The following ANKRD18A variants were observed in gnomAD, a reference collection of about 807,000 sequenced individuals.
The protein encoded by ANKRD18A is ankyrin repeat domain-containing protein 18A.
Under a neutral mutation model 110.6 loss-of-function variants are expected in ANKRD18A, and 72 were observed. That is an observed-to-expected ratio of 0.65 (90% confidence interval 0.54 to 0.79). The LOEUF is 0.79. ANKRD18A is among the 30% of genes least tolerant of loss of function. The pLI is 0.00. For missense variants in ANKRD18A, 934 were observed against 1,163.3 expected (o/e 0.80, Z 2.87); for synonymous variants, 305 against 410.3 (o/e 0.74, Z 3.10).
At chr9:38,603,088 A>T in intron 7 of ANKRD18A, 71 bp downstream of exon 7, 3 of 1,527,176 alleles carry the variant, frequency 2.0e-6, no homozygotes, top group Non-Finnish European at 2.6e-6. Flanking sequence ...TATACCATTA[A>T]CTACGGCTGA....
At chr9:38,600,347 T>C (rs900173759) in intron 8 of ANKRD18A, among the ~76,000 whole-genome samples, 11 of 152,044 alleles carry the variant, frequency 7.2e-5, no homozygotes, top group South Asian at 2.1e-4. Context: ...AGTAGGCAAA[T>C]GCTAAATTAT....
intron 8 of ANKRD18A, among the ~76,000 whole-genome samples, chr9:38,599,824 T>A (rs1184319177): frequency 6.6e-6 from 1 of 152,186 alleles, no homozygotes; most frequent in African/African-American, 2.4e-5. Flanking sequence ...TTACAATTCT[T>A]ACTCAGTTCT....
intron 1 of ANKRD18A, among the ~76,000 whole-genome samples, chr9:38,617,452 C>G (rs975246716): frequency 6.8e-6 from 1 of 147,508 alleles, no homozygotes; most frequent in Non-Finnish European, 1.5e-5. Flanking sequence ...AACGAAAAAA[C>G]AAACAAACAA....
chr9:38,573,961 T>C lies in ANKRD18A; in HGVS notation c.2964+1515A>G, dbSNP rs572012662. ...TACCTGTGTAAGTTTCTTCCAAAAGTATATTGAGGAATGCTAAGGTTTGGA... is the reference window on the plus strand; with the variant it reads ...TACCTGTGTAAGTTTCTTCCAAAAGCATATTGAGGAATGCTAAGGTTTGGA... On this transcript the variant is annotated intron_variant, in intron 15 of 15. Transcript: ENST00000399703. Among the ~76,000 whole-genome samples, 5 of 152,220 alleles carry C rather than the reference T, an allele frequency of 3.3e-5. No individual in the cohort carries two copies. In the South Asian group the frequency reaches 1.0e-3, roughly 32 times the overall value.
At chr9:38,594,311 G>T (rs531060886) in intron 9 of ANKRD18A, among the ~76,000 whole-genome samples, 1 of 151,934 alleles carries the variant, frequency 6.6e-6, no homozygotes, top group Non-Finnish European at 1.5e-5. Flanking sequence ...ACTCTGTCCC[G>T]TACAAACTTC....
intron 7 of ANKRD18A, among the ~76,000 whole-genome samples, 174 bp downstream of exon 7, chr9:38,602,985 G>A (rs957626930): frequency 5.3e-5 from 8 of 152,182 alleles, no homozygotes; most frequent in Non-Finnish European, 1.0e-4. Context: ...ATTTTCAAAT[G>A]AATAAACTGG....
intron 12 of ANKRD18A, among the ~76,000 whole-genome samples, chr9:38,585,813 G>C (rs1008826423): frequency 2.6e-5 from 4 of 152,144 alleles, no homozygotes; most frequent in African/African-American, 9.7e-5. Flanking sequence ...ATACATCATG[G>C]AATACTATGG....
chr9:38,590,799 C>G (rs1824611881), intron 10 of ANKRD18A, among the ~76,000 whole-genome samples: 1 of 152,012 alleles, frequency 6.6e-6, no homozygotes, highest in Non-Finnish European at 1.5e-5. Context: ...CAGGTAGTCT[C>G]CTGCTTAGGA....
intron 15 of ANKRD18A, among the ~76,000 whole-genome samples, chr9:38,574,081 C>T (rs1027854540): frequency 6.6e-5 from 10 of 152,126 alleles, no homozygotes; most frequent in African/African-American, 2.2e-4. Context: ...TCTTATTTCC[C>T]AGTGTCTATT....
intron 3 of ANKRD18A, among the ~76,000 whole-genome samples, chr9:38,613,112 G>T (rs370081506): frequency 1.3e-5 from 2 of 151,358 alleles, no homozygotes; most frequent in Admixed American, 1.3e-4. Flanking sequence ...AGGAGTTAAA[G>T]CTCAAATACT....
intron 5 of ANKRD18A, among the ~76,000 whole-genome samples, chr9:38,609,592 A>G (rs889915334): frequency 8.5e-5 from 13 of 152,050 alleles, no homozygotes; most frequent in Admixed American, 6.6e-4. Context: ...GGCAAAAGTC[A>G]ATCATTACCA....
At chr9:38,576,443 AG>A (rs1397260264) in intron 14 of ANKRD18A, among the ~76,000 whole-genome samples, 1 of 152,182 alleles carries the variant, frequency 6.6e-6, no homozygotes, top group Non-Finnish European at 1.5e-5. Context: ...AGGCTGAAAA[AG>A]GTGTTATTTT....
downstream of ANKRD18A, chr9:38,571,081 T>C: frequency 6.7e-7 from 1 of 1,501,410 alleles, no homozygotes; most frequent in Non-Finnish European, 8.8e-7. Context: ...ATGAGGACTG[T>C]CCCCAGACAG....
intron 10 of ANKRD18A, among the ~76,000 whole-genome samples, chr9:38,589,842 T>C (rs1824561067): frequency 6.6e-6 from 1 of 152,228 alleles, no homozygotes; most frequent in Admixed American, 6.5e-5. Context: ...GCTACTCCTC[T>C]TTTTAAATTC....
chr9:38,579,592 A>C (rs1226708548), intron 12 of ANKRD18A, among the ~76,000 whole-genome samples: 1 of 152,214 alleles, frequency 6.6e-6, no homozygotes, highest in Non-Finnish European at 1.5e-5. Context: ...AGTATCACTA[A>C]TCATCAGGGA....
chr9:38,585,493 G>A (rs931096089), intron 12 of ANKRD18A, among the ~76,000 whole-genome samples: 7 of 152,040 alleles, frequency 4.6e-5, no homozygotes, highest in African/African-American at 1.2e-4. Flanking sequence ...TAATGTGACT[G>A]TCTCATGAAG....
At chr9:38,582,151 C>T (rs1211845963) in intron 12 of ANKRD18A, among the ~76,000 whole-genome samples, 1 of 151,892 alleles carries the variant, frequency 6.6e-6, no homozygotes, top group Non-Finnish European at 1.5e-5. Context: ...ATGGATGATT[C>T]TATGAATTAT....
At position 38,571,694 on chromosome 9, in the gene ANKRD18A, G is replaced by A; in HGVS notation, c.*351C>T. On this transcript the variant is annotated 3_prime_UTR_variant, in exon 16 of 16. Coordinates refer to ENST00000399703, the MANE Select transcript of ANKRD18A (RefSeq NM_147195.4). ...TTTACTAAAGTATCAATGATGACTT[G>A]GTTGTTTGGCTGTTTAAACAGCTGA... The A allele has an allele frequency of 6.8e-6, 7 of 1,035,462 alleles. No individual in the cohort carries two copies. Among genetic ancestry groups the A allele is most frequent in the Non-Finnish European group, 8.1e-6 (7 of 863,518 alleles). 64.1% of individuals were successfully genotyped at this position (1,035,462 alleles called of 1,614,324 possible). A position where few individuals can be genotyped will look rare whatever the true frequency, so the allele number is the denominator to read the frequency against.
Position 38,620,155 on chromosome 9 carries a change from T to G in ANKRD18A, c.131A>C (p.Lys44Thr). The change falls in exon 1 of 16, where the codon AAG (lysine) becomes ACG (threonine). Residue 44 changes from lysine to threonine, a missense_variant. By Grantham distance (78) the Lys-to-Thr change is moderately conservative (BLOSUM62 -1). Around this residue, in one of 4 missense-constraint regions of ANKRD18A, gnomAD observed 630 missense variants for 797.5 expected, o/e 0.79. Transcript: ENST00000399703. The stretch of plus-strand genomic sequence containing the variant: ...GCGCTCCACCTCCGCGGCGTCGCCC[T>G]TGATGGCAGCCCTGTGGATCTTCCG... ...ELRKIHRAAI[K>T]GDAAEVERCL... 4.5e-6 allele frequency: 7 copies of G among 1,569,280 alleles called. No individual in the cohort carries two copies. Among genetic ancestry groups the G allele is most frequent in the Non-Finnish European group, 2.6e-6 (3 of 1,157,196 alleles).
Sources: allele counts gnomAD v4.1 joint callset (sites outside exome capture counted in the v4.1 genomes callset), GRCh38; gene constraint gnomAD v4.1.1; regional missense constraint gnomAD v4.1.1; transcripts MANE v1.5; gene names NCBI Gene and HGNC (gene_info 2026-07-23, HGNC 2026-07-21).